ATIC: variants seen among roughly 807,000 people sequenced by gnomAD.
The protein encoded by ATIC is bifunctional purine biosynthesis protein ATIC.
Under a neutral mutation model 72.5 loss-of-function variants are expected in ATIC, and 64 were observed. The ratio of observed to expected loss-of-function variants is 0.88; its 90% CI spans 0.72 to 1.09. The LOEUF (loss-of-function observed/expected upper bound fraction) is 1.09, where lower values mean the gene tolerates loss of function less well. ATIC is among the 50% of genes least tolerant of loss of function. ATIC has a pLI of 0.00. For missense variants in ATIC, 787 were observed against 732.4 expected, an observed-to-expected ratio of 1.07 and a Z score of -0.86; for synonymous variants, 281 against 267.1, an observed-to-expected ratio of 1.05 and a Z score of -0.51.
intron 2 of ATIC, among the ~76,000 whole-genome samples, chr2:215,315,869 T>C (rs569873600): frequency 1.3e-5 from 2 of 151,562 alleles, no homozygotes; most frequent in Non-Finnish European, 2.9e-5. Context: ...GCAGGAGAAT[T>C]GCTTGAACCC....
chr2:215,355,320 T>G, the ATIC span, among the ~76,000 whole-genome samples: 5 of 152,134 alleles, frequency 3.3e-5, no homozygotes, highest in East Asian at 9.7e-4. Flanking sequence ...TTCACTGGTG[T>G]TTAAGTGAAA....
intron 12 of ATIC, 60 bp downstream of exon 12, chr2:215,338,967 T>G: frequency 1.3e-6 from 2 of 1,599,834 alleles, no homozygotes; most frequent in Non-Finnish European, 8.5e-7. Flanking sequence ...TTTTCAATAC[T>G]TAATGAGCTT....
chr2:215,338,572 T>C (rs2052981761), intron 11 of ATIC, among the ~76,000 whole-genome samples: 1 of 152,220 alleles, frequency 6.6e-6, no homozygotes, highest in Admixed American at 6.5e-5. Flanking sequence ...CTGGCTGTTG[T>C]ATCATACCAG....
chr2:215,361,645 GA>G, the ATIC span: 130 of 1,578,678 alleles, frequency 8.2e-5, no homozygotes, highest in Middle Eastern at 3.4e-4. Context: ...AAGGAAGAAG[GA>G]AAAAAAAATT....
At chr2:215,355,849 T>C in the ATIC span, among the ~76,000 whole-genome samples, 4 of 152,226 alleles carry the variant, frequency 2.6e-5, no homozygotes, top group Non-Finnish European at 5.9e-5. Context: ...TTTGTGCCTC[T>C]TAGGATAATC....
At chr2:215,344,732 T>C in intron 12 of ATIC, 47 bp from the exon 13 acceptor site, 1 of 1,541,806 alleles carries the variant, frequency 6.5e-7, no homozygotes, top group Non-Finnish European at 9.0e-7. Flanking sequence ...TAAAGTTAAA[T>C]GAGTTTAAAA....
At chr2:215,348,764 C>A (rs1277254233) in intron 14 of ATIC, 4 of 326,214 alleles carry the variant, frequency 1.2e-5, no homozygotes, top group South Asian at 7.2e-5. Context: ...AGATTGAGAC[C>A]CTCCTGGCCA....
the ATIC span, among the ~76,000 whole-genome samples, chr2:215,358,748 A>G: frequency 1.3e-5 from 2 of 152,252 alleles, no homozygotes; most frequent in African/African-American, 2.4e-5. Flanking sequence ...AATCCAACAG[A>G]CATTTTGGAA....
the ATIC span, among the ~76,000 whole-genome samples, chr2:215,368,472 T>C: frequency 5.9e-5 from 9 of 152,164 alleles, no homozygotes; most frequent in Non-Finnish European, 1.2e-4. Flanking sequence ...TATCTATACC[T>C]CCTGGGGAAT....
intron 4 of ATIC, among the ~76,000 whole-genome samples, chr2:215,320,099 A>G (rs2052751615): frequency 1.3e-5 from 2 of 152,194 alleles, no homozygotes; most frequent in African/African-American, 2.4e-5. Context: ...TCCAAGTGTC[A>G]TGTTGACGCT....
chr2:215,349,708 C>G lies in ATIC; in HGVS notation c.*53C>G. The G allele has an allele frequency of 6.2e-7, 1 of 1,613,758 alleles. No individual in the cohort carries two copies. Among genetic ancestry groups the G allele is most frequent in the Admixed American group, 1.7e-5 (1 of 60,028 alleles). On this transcript the variant is annotated 3_prime_UTR_variant, in exon 16 of 16. Transcript: ENST00000236959. ...CTTATGTGTAGGTGAACAGTCACGC[C>G]TGAAACTTTGAGGATAACTTTTTAA...
the ATIC span, chr2:215,360,887 A>AAC: frequency 6.5e-6 from 1 of 152,678 alleles, no homozygotes; most frequent in African/African-American, 2.4e-5. Context: ...CTTTTATTAA[A>AAC]ACAGTTGTCT....
chr2:215,334,522 T>G (rs1360609405), intron 9 of ATIC, among the ~76,000 whole-genome samples: 1 of 152,170 alleles, frequency 6.6e-6, no homozygotes, highest in Non-Finnish European at 1.5e-5. Flanking sequence ...TAGAGTCATG[T>G]TTTATCAGAG....
At chr2:215,359,340 C>A in the ATIC span, among the ~76,000 whole-genome samples, 862 of 152,308 alleles carry the variant, frequency 5.7e-3, 6 homozygotes, top group African/African-American at 0.02. Flanking sequence ...ACCAGCTCAC[C>A]TATGAATATG....
Position 215,326,026 on chromosome 2 carries a change from C to T in ATIC, c.419C>T (p.Ala140Val). ...TLLRAAAKNH[A>V]RVTVVCEPED... ...CTGAGAGCTGCAGCCAAAAACCACG[C>T]TCGAGTGACAGTGGTGTGTGAACCA... The change falls in exon 6 of 16, where the codon GCT (alanine) becomes GTT (valine). Residue 140 changes from alanine to valine, a missense_variant. By Grantham distance (64) the Ala-to-Val change is moderately conservative (BLOSUM62 0). Coordinates refer to ENST00000236959, the MANE Select transcript of ATIC (RefSeq NM_004044.7). 6.2e-7 allele frequency: 1 copy of T among 1,614,170 alleles called. No homozygotes were observed. Among genetic ancestry groups the T allele is most frequent in the Non-Finnish European group, 8.5e-7 (1 of 1,180,022 alleles).
In ATIC at chr2:215,325,226, G is replaced by C. The variant is rs141553318; in HGVS notation, c.291-15G>C. On this transcript the variant is annotated splice_polypyrimidine_tract_variant and intron_variant, in intron 4 of 15. Transcript: ENST00000236959. ...GGACTTTTTAATGACAGCCAGATTC[G>C]TCTTTGTTTTATAGAGTTGTTGCCT... 1.2e-5 allele frequency: 20 copies of C among 1,605,046 alleles called. No individual in the cohort carries two copies. The highest frequency in any genetic ancestry group is 1.7e-5 in the Admixed American group (1 of 59,974).
At chr2:215,338,056 C>T (rs963180472) in intron 11 of ATIC, among the ~76,000 whole-genome samples, 3 of 152,112 alleles carry the variant, frequency 2.0e-5, no homozygotes, top group Admixed American at 6.6e-5. Context: ...CTAATATTTA[C>T]GGGGTCTTGC....
At chr2:215,329,831 C>T (rs1454451977) in intron 7 of ATIC, among the ~76,000 whole-genome samples, 4 of 151,986 alleles carry the variant, frequency 2.6e-5, no homozygotes, top group East Asian at 1.9e-4. Flanking sequence ...GGCATGATCT[C>T]GGCTCACCAC....
rs753385768 is a variant in ATIC, at chr2:215,326,862, A to G, written c.572A>G (p.Asp191Gly). 14 of 1,614,124 alleles carry G rather than the reference A, an allele frequency of 8.7e-6. No homozygotes were observed. Among genetic ancestry groups the G allele is most frequent in the Non-Finnish European group, 1.2e-5 (14 of 1,180,044 alleles). ...GCACAATATGATGAAGCAATTTCAG[A>G]TTATTTCAGGAAACAGTACAGCAAA... ...HTAQYDEAIS[D>G]YFRKQYSKGV... The change falls in exon 7 of 16, where the codon GAT becomes GGT. Residue 191 changes from aspartate (D) to glycine (G), a missense_variant. Physicochemically the swap from Asp to Gly is moderately conservative, Grantham distance 94. Coordinates refer to ENST00000236959, the MANE Select transcript of ATIC (RefSeq NM_004044.7).
Sources: allele counts gnomAD v4.1 joint callset (sites outside exome capture counted in the v4.1 genomes callset), GRCh38; gene constraint gnomAD v4.1.1; transcripts MANE v1.5; gene names NCBI Gene and HGNC (gene_info 2026-07-23, HGNC 2026-07-21).